Variants in CFAP299 observed in about 807,000 individuals in gnomAD.
The protein encoded by CFAP299 is cilia and flagella associated protein 299.
Under a neutral mutation model 27.0 loss-of-function variants are expected in CFAP299, and 21 were observed. The observed-to-expected ratio is 0.78, with a 90% CI of 0.55 to 1.12. The LOEUF is 1.12. Among genes scored for constraint, CFAP299 ranks in the 50% most tolerant of loss-of-function variants. The pLI, the probability that CFAP299 is intolerant of heterozygous loss-of-function variation, is 0.00. For synonymous variants in CFAP299, 104 were observed against 98.1 expected, an observed-to-expected ratio of 1.06 and a Z score of -0.36; for missense variants, 310 against 276.6, an observed-to-expected ratio of 1.12 and a Z score of -0.86.
rs1029626143 is a variant in CFAP299, at chr4:80,938,449, C to T, written c.477-6361C>T. 4.6e-5 allele frequency among the ~76,000 whole-genome samples: 7 copies of T among 152,340 alleles called. No individual in the cohort carries two copies. In the South Asian group the frequency reaches 6.2e-4, roughly 14 times the overall value. On this transcript the variant is annotated intron_variant, in intron 4 of 5. Transcript: ENST00000358105. ...ATCCTGCTGCAGATAACTAGCCAAA[C>T]GCATCACTTTATTTTGGCCATCCCT... is the stretch of plus-strand genomic sequence containing the variant.
At chr4:80,346,888 A>T (rs762071753) in intron 1 of CFAP299, among the ~76,000 whole-genome samples, 11 of 152,132 alleles carry the variant, frequency 7.2e-5, no homozygotes, top group Admixed American at 2.6e-4. Flanking sequence ...CACAATATTG[A>T]TTCTTCCTAT....
At chr4:80,423,870 C>T (rs1418243216) in intron 2 of CFAP299, among the ~76,000 whole-genome samples, 1 of 152,192 alleles carries the variant, frequency 6.6e-6, no homozygotes, top group African/African-American at 2.4e-5. Flanking sequence ...GGCCTATGAG[C>T]TGTCTGTGTT....
intron 2 of CFAP299, among the ~76,000 whole-genome samples, chr4:80,432,955 T>G (rs898715153): frequency 2.6e-4 from 40 of 152,194 alleles, no homozygotes; most frequent in African/African-American, 9.7e-4. Context: ...TAAAAATACC[T>G]CTCACCTTCT....
chr4:80,499,301 T>C (rs1374006107), intron 2 of CFAP299, among the ~76,000 whole-genome samples: 1 of 152,166 alleles, frequency 6.6e-6, no homozygotes, highest in East Asian at 1.9e-4. Context: ...ATTCAATCTT[T>C]TTCTCGAACA....
chr4:80,827,870 A>G (rs767431574), intron 3 of CFAP299, among the ~76,000 whole-genome samples: 3 of 152,056 alleles, frequency 2.0e-5, no homozygotes, highest in African/African-American at 7.2e-5. Flanking sequence ...TACAAAGTCA[A>G]CAGAAAAATA....
intron 3 of CFAP299, among the ~76,000 whole-genome samples, chr4:80,687,748 G>T (rs13120647): frequency 2.0e-5 from 3 of 152,042 alleles, no homozygotes; most frequent in Non-Finnish European, 4.4e-5. Flanking sequence ...GCAGAAGACA[G>T]GTGATTTCTG....
intron 2 of CFAP299, among the ~76,000 whole-genome samples, chr4:80,459,164 GT>G (rs1365541067): frequency 9.9e-5 from 15 of 151,980 alleles, no homozygotes; most frequent in Non-Finnish European, 1.6e-4. Flanking sequence ...AACAATTTTA[GT>G]TTTTTGTAGA....
At chr4:80,370,872 CCTCTT>C (rs1232761647) in intron 2 of CFAP299, among the ~76,000 whole-genome samples, 1 of 152,214 alleles carries the variant, frequency 6.6e-6, no homozygotes, top group Admixed American at 6.5e-5. Context: ...GGATGGTAGC[CCTCTT>C]CTTACATCTC....
At chr4:80,374,459 A>G (rs1256941712) in intron 2 of CFAP299, among the ~76,000 whole-genome samples, 2 of 152,066 alleles carry the variant, frequency 1.3e-5, no homozygotes, top group Admixed American at 1.3e-4. Context: ...TTTTCTTTAC[A>G]TTGCTGCTGC....
intron 3 of CFAP299, among the ~76,000 whole-genome samples, chr4:80,742,282 T>C (rs1218676192): frequency 6.6e-6 from 1 of 152,216 alleles, no homozygotes; most frequent in African/African-American, 2.4e-5. Context: ...ATCTTGTTTA[T>C]GCCCCTGTCT....
At chr4:80,386,363 G>A in intron 2 of CFAP299, 1 of 1,462,928 alleles carries the variant, frequency 6.8e-7, no homozygotes, top group Non-Finnish European at 9.3e-7. Flanking sequence ...GCTCTGCGAA[G>A]GGCGGCTTGC....
intron 2 of CFAP299, among the ~76,000 whole-genome samples, chr4:80,580,148 G>A (rs1463750292): frequency 6.6e-6 from 1 of 152,056 alleles, no homozygotes. Flanking sequence ...CAAAGACAAA[G>A]TTGAATAAGA....
At chr4:80,646,876 A>G (rs1740035431) in intron 3 of CFAP299, among the ~76,000 whole-genome samples, 1 of 152,166 alleles carries the variant, frequency 6.6e-6, no homozygotes, top group Non-Finnish European at 1.5e-5. Flanking sequence ...TCAGTTTTAG[A>G]ACGTATTCTT....
At chr4:80,472,416 C>T (rs1345721248) in intron 2 of CFAP299, among the ~76,000 whole-genome samples, 2 of 152,022 alleles carry the variant, frequency 1.3e-5, no homozygotes, top group African/African-American at 4.8e-5. Flanking sequence ...TCATTTTCCC[C>T]AAAAAAACTA....
chr4:80,853,262 C>T (rs1189917325), intron 3 of CFAP299, among the ~76,000 whole-genome samples: 2 of 152,110 alleles, frequency 1.3e-5, no homozygotes, highest in Non-Finnish European at 2.9e-5. Flanking sequence ...AACTCCTGAC[C>T]TCAGGTGATT....
intron 2 of CFAP299, among the ~76,000 whole-genome samples, chr4:80,503,349 C>T (rs908823525): frequency 6.6e-6 from 1 of 151,998 alleles, no homozygotes; most frequent in African/African-American, 2.4e-5. Flanking sequence ...GATTGTCTTC[C>T]TCCTCTATTT....
intron 3 of CFAP299, among the ~76,000 whole-genome samples, chr4:80,820,797 T>C (rs1483916572): frequency 6.6e-6 from 1 of 152,158 alleles, no homozygotes; most frequent in Non-Finnish European, 1.5e-5. Flanking sequence ...TTAATGCTTA[T>C]TGAGTGAGTG....
intron 3 of CFAP299, among the ~76,000 whole-genome samples, chr4:80,621,809 A>T (rs1487348602): frequency 6.6e-6 from 1 of 152,180 alleles, no homozygotes; most frequent in Non-Finnish European, 1.5e-5. Flanking sequence ...AGAAAGAAAG[A>T]TATTTGTCCT....
At chr4:80,610,561 T>TGA (rs1338443583) in intron 3 of CFAP299, among the ~76,000 whole-genome samples, 1 of 152,066 alleles carries the variant, frequency 6.6e-6, no homozygotes, top group Non-Finnish European at 1.5e-5. Flanking sequence ...GAAATTCAGT[T>TGA]TCTTAGCTCA....
Sources: gnomAD v4.1 joint callset for allele counts (sites outside exome capture counted in the v4.1 genomes callset) on GRCh38, gnomAD v4.1.1 for gene constraint, MANE v1.5 for transcripts, NCBI Gene and HGNC (gene_info 2026-07-23, HGNC 2026-07-21) for gene names.